WDFY3: variants seen among roughly 807,000 people sequenced by gnomAD.
WDFY3 encodes the protein WD repeat and FYVE domain containing 3.
Under a neutral mutation model 409.6 loss-of-function variants are expected in WDFY3, and 66 were observed. That is an observed-to-expected ratio of 0.16 (90% CI 0.13 to 0.20). The LOEUF (loss-of-function observed/expected upper bound fraction) is 0.20. Among genes scored for constraint, WDFY3 ranks in the 10% least tolerant of loss-of-function variants. The pLI, the probability that WDFY3 is intolerant of heterozygous loss-of-function variation, is 1.00. For synonymous variants in WDFY3, 1,521 were observed against 1,537.1 expected, an observed-to-expected ratio of 0.99 and a Z score of 0.25; for missense variants, 3,031 against 4,298.1, an observed-to-expected ratio of 0.71 and a Z score of 8.24.
At chr4:84,874,345 G>A (rs943127064) in intron 3 of WDFY3, among the ~76,000 whole-genome samples, 1 of 151,950 alleles carries the variant, frequency 6.6e-6, no homozygotes, top group African/African-American at 2.4e-5. Context: ...CCCAGGAGGC[G>A]GAGGTTGCAG....
intron 28 of WDFY3, 42 bp from the exon 29 acceptor site, chr4:84,775,023 T>G: frequency 6.2e-7 from 1 of 1,613,596 alleles, no homozygotes; most frequent in Non-Finnish European, 8.5e-7. Flanking sequence ...CTATCACCTT[T>G]TCTATAGCTG....
intron 27 of WDFY3, among the ~76,000 whole-genome samples, chr4:84,775,602 A>C (rs1049142900): frequency 6.6e-6 from 1 of 151,976 alleles, no homozygotes; most frequent in Non-Finnish European, 1.5e-5. Flanking sequence ...AAAAGAAATG[A>C]CCAGATTTAG....
At chr4:84,812,760 C>T (rs1375265465) in intron 13 of WDFY3, among the ~76,000 whole-genome samples, 2 of 152,084 alleles carry the variant, frequency 1.3e-5, no homozygotes, top group Non-Finnish European at 2.9e-5. Context: ...ATATTATGTA[C>T]TTCTGGACAG....
intron 2 of WDFY3, among the ~76,000 whole-genome samples, chr4:84,925,367 A>T (rs1191504426): frequency 6.6e-6 from 1 of 152,198 alleles, no homozygotes; most frequent in Non-Finnish European, 1.5e-5. Flanking sequence ...CCATGGCAGG[A>T]ATACTTTCTG....
intron 51 of WDFY3, 139 bp downstream of exon 51, chr4:84,713,020 T>C: frequency 1.2e-6 from 1 of 806,682 alleles, no homozygotes; most frequent in South Asian, 1.7e-5. Flanking sequence ...TTTCTTCCTT[T>C]AGTTTTCAGT....
At chr4:84,698,616 T>G (rs1730538481) in intron 56 of WDFY3, among the ~76,000 whole-genome samples, 1 of 152,130 alleles carries the variant, frequency 6.6e-6, no homozygotes, top group South Asian at 2.1e-4. Flanking sequence ...TATCCAAGGA[T>G]GCATGGACAA....
intron 2 of WDFY3, among the ~76,000 whole-genome samples, chr4:84,930,629 T>A (rs1350011473): frequency 6.6e-6 from 1 of 152,204 alleles, no homozygotes; most frequent in East Asian, 1.9e-4. Context: ...TCAAATCTTT[T>A]TTCTCAAAAA....
chr4:84,678,065 C>A, intron 66 of WDFY3, 103 bp downstream of exon 66: 1 of 674,238 alleles, frequency 1.5e-6, no homozygotes, highest in South Asian at 1.6e-5. Flanking sequence ...TACGATAATA[C>A]AAATAAAATC....
intron 32 of WDFY3, among the ~76,000 whole-genome samples, chr4:84,760,395 G>A (rs1284425638): frequency 4.6e-5 from 7 of 151,872 alleles, no homozygotes; most frequent in Non-Finnish European, 1.0e-4. Context: ...GCTCCTCCTT[G>A]TACCTCTGGT....
intron 28 of WDFY3, 29 bp downstream of exon 28, chr4:84,775,036 T>A (rs747241396): frequency 6.2e-7 from 1 of 1,613,600 alleles, no homozygotes; most frequent in Admixed American, 1.7e-5. Context: ...TATAGCTGAA[T>A]AATTAACTAC....
chr4:84,749,295 T>C (rs1248106816), intron 36 of WDFY3, among the ~76,000 whole-genome samples: 1 of 152,208 alleles, frequency 6.6e-6, no homozygotes, highest in Non-Finnish European at 1.5e-5. Flanking sequence ...ACATAGAATG[T>C]TAATATTTCA....
At chr4:84,853,239 C>T (rs1759277741) in intron 4 of WDFY3, among the ~76,000 whole-genome samples, 1 of 152,178 alleles carries the variant, frequency 6.6e-6, no homozygotes, top group South Asian at 2.1e-4. Flanking sequence ...GGCACAATCT[C>T]GGCTCACTGC....
intron 3 of WDFY3, among the ~76,000 whole-genome samples, chr4:84,894,408 C>T (rs752213512): frequency 2.6e-5 from 4 of 151,990 alleles, no homozygotes; most frequent in African/African-American, 7.3e-5. Flanking sequence ...CCTGTAATCT[C>T]GGCACTTTGG....
chr4:84,817,335 T>C (rs1753442895), intron 13 of WDFY3, 57 bp downstream of exon 13: 5 of 1,598,170 alleles, frequency 3.1e-6, no homozygotes, highest in Admixed American at 1.7e-5. Flanking sequence ...ACAGATCATC[T>C]AAAAATAACC....
intron 13 of WDFY3, among the ~76,000 whole-genome samples, chr4:84,810,811 T>C (rs1752365239): frequency 6.6e-6 from 1 of 152,232 alleles, no homozygotes; most frequent in South Asian, 2.1e-4. Flanking sequence ...ACCATATTCA[T>C]GCTTTAGAAA....
At chr4:84,769,578 C>T (rs1230959467) in intron 30 of WDFY3, among the ~76,000 whole-genome samples, 2 of 151,968 alleles carry the variant, frequency 1.3e-5, no homozygotes, top group Non-Finnish European at 1.5e-5. Flanking sequence ...CCATGCCCGG[C>T]TAATTTTTTT....
intron 3 of WDFY3, among the ~76,000 whole-genome samples, chr4:84,895,957 G>A (rs932010650): frequency 4.6e-5 from 7 of 152,016 alleles, no homozygotes; most frequent in African/African-American, 9.7e-5. Context: ...GGAACATGGC[G>A]AAATAAAAGG....
intron 13 of WDFY3, 100 bp from the exon 14 acceptor site, chr4:84,810,444 T>A: frequency 9.6e-7 from 1 of 1,040,808 alleles, no homozygotes; most frequent in South Asian, 1.9e-5. Flanking sequence ...TCTGTGAATC[T>A]GACATGTTTT....
intron 5 of WDFY3, among the ~76,000 whole-genome samples, chr4:84,843,696 T>C (rs1757695002): frequency 6.6e-6 from 1 of 152,244 alleles, no homozygotes; most frequent in Admixed American, 6.5e-5. Context: ...TGTGAGCTAC[T>C]GTGCCCAGCC....
Sources: gnomAD v4.1 joint callset for allele counts (sites outside exome capture counted in the v4.1 genomes callset) on GRCh38, gnomAD v4.1.1 for gene constraint, MANE v1.5 for transcripts, NCBI Gene and HGNC (gene_info 2026-07-23, HGNC 2026-07-21) for gene names.